The following SP140L variants were observed in gnomAD, a reference collection of about 807,000 sequenced individuals.
SP140L encodes nuclear body protein SP140-like protein.
A neutral mutation model predicts 84.3 loss-of-function variants in SP140L; 64 were observed. That is an observed-to-expected ratio of 0.76 (90% CI 0.62 to 0.94). The LOEUF (loss-of-function observed/expected upper bound fraction) is 0.94, where lower values mean the gene tolerates loss of function less well. Among genes scored for constraint, SP140L ranks in the 40% least tolerant of loss-of-function variants. The pLI is 0.00. For missense variants in SP140L, 628 were observed against 692.5 expected (o/e 0.91, Z 1.05); for synonymous variants, 242 against 236.9 (o/e 1.02, Z -0.20).
At chr2:230,332,105 A>G (rs114122614) in intron 2 of SP140L, among the ~76,000 whole-genome samples, 3,853 of 152,300 alleles carry the variant, frequency 0.025, 70 homozygotes, top group Middle Eastern at 0.044. Context: ...TTATCAAGAT[A>G]AGGACATTTT....
At chr2:230,353,559 G>T (rs2149719329) in intron 2 of SP140L, among the ~76,000 whole-genome samples, 1 of 151,822 alleles carries the variant, frequency 6.6e-6, no homozygotes, top group East Asian at 1.9e-4. Flanking sequence ...TCTGCTTTTT[G>T]TTTTATTTAA....
intron 5 of SP140L, among the ~76,000 whole-genome samples, chr2:230,364,658 T>C (rs2060815196): frequency 6.6e-6 from 1 of 152,146 alleles, no homozygotes; most frequent in Non-Finnish European, 1.5e-5. Flanking sequence ...TTGTTCTGTC[T>C]AGGACTTGCA....
chr2:230,400,541 G>A, intron 15 of SP140L: 1 of 474,652 alleles, frequency 2.1e-6, no homozygotes, highest in Non-Finnish European at 3.8e-6. Context: ...GTCCCAGGGG[G>A]TTGAGGAAAA....
At chr2:230,401,245 C>T (rs1412620718) in intron 16 of SP140L, 121 bp from the exon 17 acceptor site, 28 of 1,532,206 alleles carry the variant, frequency 1.8e-5, no homozygotes, top group South Asian at 3.8e-5. Flanking sequence ...ATGTCTGTTT[C>T]CAAGAGCCAC....
intron 8 of SP140L, 58 bp from the exon 9 acceptor site, chr2:230,385,166 C>A: frequency 1.9e-6 from 3 of 1,572,802 alleles, no homozygotes; most frequent in South Asian, 1.1e-5. Context: ...TTTGGTCCAG[C>A]CTGTGAGCTG....
At chr2:230,397,025 T>G (rs2062082580) in intron 14 of SP140L, among the ~76,000 whole-genome samples, 1 of 152,196 alleles carries the variant, frequency 6.6e-6, no homozygotes, top group African/African-American at 2.4e-5. Flanking sequence ...CCCTCCAATA[T>G]CCTTACTTCC....
intron 9 of SP140L, among the ~76,000 whole-genome samples, chr2:230,387,952 G>T (rs1472856248): frequency 2.0e-5 from 3 of 152,132 alleles, no homozygotes; most frequent in Non-Finnish European, 2.9e-5. Context: ...TTCAGCACAA[G>T]GGTACAAATA....
At chr2:230,358,061 AAGC>A in intron 3 of SP140L, 94 bp downstream of exon 3, 1 of 1,434,422 alleles carries the variant, frequency 7.0e-7, no homozygotes, top group Non-Finnish European at 9.6e-7. Context: ...AGGAGAGGAG[AAGC>A]AGAGGTCACC....
chr2:230,385,394 T>C, intron 9 of SP140L, 90 bp downstream of exon 9: 1 of 1,135,718 alleles, frequency 8.8e-7, no homozygotes, highest in Non-Finnish European at 1.3e-6. Context: ...TATTGTTTAC[T>C]AGTCAAACTT....
Position 230,342,313 on chromosome 2 carries a change from C to G in SP140L, c.107+13482C>G, listed in dbSNP as rs931892622. 3 of 154,898 alleles carry G rather than the reference C, an allele frequency of 1.9e-5. No individual in the cohort carries two copies. In the Admixed American group the frequency reaches 2.0e-4, roughly 10 times the overall value. The allele number at this position is 154,898 out of a possible 1,614,324, so 9.6% of individuals were successfully genotyped here. A position where few individuals can be genotyped will look rare whatever the true frequency, so the allele number is the denominator to read the frequency against. ...AGAAAGGGAACTCCCTGACCCCTTG[C>G]GCTTCCCAAGTGAGGCAATGCCTCG... On this transcript the variant is annotated intron_variant, in intron 2 of 18. Transcript: ENST00000415673.
At chr2:230,400,655 G>T in intron 15 of SP140L, 2 of 581,150 alleles carry the variant, frequency 3.4e-6, no homozygotes, top group Non-Finnish European at 6.0e-6. Context: ...CCCAGTTTCT[G>T]ACACACAGGC....
chr2:230,396,906 G>C, intron 14 of SP140L, 108 bp downstream of exon 14: 2 of 1,355,944 alleles, frequency 1.5e-6, no homozygotes, highest in African/African-American at 1.4e-5. Flanking sequence ...GTCTCAGTTG[G>C]AGTATGTGGC....
Position 230,359,012 on chromosome 2 carries a change from T to C in SP140L, c.319T>C (p.Tyr107His). Residue 107 changes from tyrosine (Y) to histidine (H), a missense_variant, in exon 4 of 19, where the codon TAC becomes CAC. Transcript: ENST00000415673. ...RNLVPVQRVVYNVLSELEKTF... is the reference protein window; with the variant it reads ...RNLVPVQRVVHNVLSELEKTF... ...CCTGGTCCCTGTACAAAGAGTGGTG[T>C]ACAATGTTCTCAGTGAACTGGAGAA... is the stretch of plus-strand genomic sequence containing the variant. The C allele has an allele frequency of 6.2e-7, 1 of 1,613,106 alleles. No homozygotes were observed. The highest frequency in any genetic ancestry group is 8.5e-7 in the Non-Finnish European group (1 of 1,179,596).
chr2:230,400,737 C>T, intron 15 of SP140L: 1 of 1,099,558 alleles, frequency 9.1e-7, no homozygotes, highest in Non-Finnish European at 1.3e-6. Flanking sequence ...ACGGTGACAC[C>T]ACCTTCCTGA....
rs766436511 is a variant in SP140L, at chr2:230,383,500, T to G, written c.638-10T>G. On this transcript the variant is annotated splice_polypyrimidine_tract_variant and intron_variant, in intron 7 of 18. Coordinates refer to ENST00000415673, the MANE Select transcript of SP140L (RefSeq NM_138402.6). ...TCTGTATAATTAACTTTATTCTCTTTGGTTTGAAGGAAAAAAGAAGGGGCA... is the reference window on the plus strand; with the variant it reads ...TCTGTATAATTAACTTTATTCTCTTGGGTTTGAAGGAAAAAAGAAGGGGCA... 2 of 1,596,714 alleles carry G rather than the reference T, an allele frequency of 1.3e-6. No individual in the cohort carries two copies. Among genetic ancestry groups the G allele is most frequent in the Non-Finnish European group, 1.7e-6 (2 of 1,171,284 alleles).
intron 9 of SP140L, 48 bp from the exon 10 acceptor site, chr2:230,388,511 A>G (rs1385089811): frequency 2.6e-6 from 4 of 1,512,000 alleles, no homozygotes; most frequent in Non-Finnish European, 3.6e-6. Flanking sequence ...AATATATGTA[A>G]CACAGCTGCT....
rs543639075 is a variant in SP140L at position 230,387,449 on chromosome 2, C to T, written c.785-1110C>T. 2.8e-4 allele frequency among the ~76,000 whole-genome samples: 42 copies of T among 152,196 alleles called. No individual in the cohort carries two copies. The South Asian group carries it at 2.9e-3, about 11-fold the overall frequency. ...GGTCAGTAACTGTGTAGTCTAAAGA[C>T]CAGAAAGTGGAATTATATTACCAAG... On this transcript the variant is annotated intron_variant, in intron 9 of 18. Coordinates refer to ENST00000415673, the MANE Select transcript of SP140L (RefSeq NM_138402.6).
At chr2:230,388,905 C>G (rs563236025) in intron 10 of SP140L, 3 of 307,012 alleles carry the variant, frequency 9.8e-6, no homozygotes, top group Admixed American at 4.7e-5. Context: ...TGAAGATAGG[C>G]CATTGCTGTA....
rs1301592639 is a variant in SP140L at position 230,357,947 on chromosome 2, A to C, written c.250A>C (p.Ile84Leu). 6.2e-7 allele frequency: 1 copy of C among 1,613,354 alleles called. No homozygotes were observed. Among genetic ancestry groups the C allele is most frequent in the Admixed American group, 1.7e-5 (1 of 59,716 alleles). ...TGAGGGCCTCCGCGATCGGGAACTC[A>C]TCACAAATAAAATGTTTGAAGTAAG... ...FLEGLRDREL[I>L]TNKMFEDSED... Residue 84 changes from isoleucine to leucine, a missense_variant, in exon 3 of 19, where the codon ATC becomes CTC. This residue lies in a region of SP140L where 525 missense variants were observed against 518.4 expected (regional missense o/e 1.01). Transcript: ENST00000415673.
Sources: gnomAD v4.1 joint callset for allele counts (sites outside exome capture counted in the v4.1 genomes callset) on GRCh38, gnomAD v4.1.1 for gene constraint, gnomAD v4.1.1 regional missense constraint, MANE v1.5 for transcripts, NCBI Gene and HGNC (gene_info 2026-07-23, HGNC 2026-07-21) for gene names.